Variants in MYO10 observed in about 807,000 individuals in gnomAD.
MYO10 encodes the protein myosin X.
MYO10 carries 133 observed loss-of-function variants against 257.3 expected under a neutral mutation model. That is an observed-to-expected ratio of 0.52 (90% CI 0.45 to 0.60). The LOEUF (loss-of-function observed/expected upper bound fraction) is 0.60. Ranked by LOEUF, MYO10 falls within the 20% of genes least tolerant of loss-of-function variation. The probability of loss-of-function intolerance (pLI) is 0.00; values close to 1 mark genes in which losing one functional copy is unlikely to be tolerated. For synonymous variants in MYO10, 1,104 were observed against 1,028.6 expected, an observed-to-expected ratio of 1.07 and a Z score of -1.40; for missense variants, 2,399 against 2,635.7, an observed-to-expected ratio of 0.91 and a Z score of 1.97.
intron 8 of MYO10, among the ~76,000 whole-genome samples, chr5:16,780,187 C>T (rs1741380016): frequency 6.6e-6 from 1 of 152,092 alleles, no homozygotes; most frequent in Non-Finnish European, 1.5e-5. Context: ...AGGTGTGTGC[C>T]ACTGCACCCA....
intron 37 of MYO10, 117 bp from the exon 38 acceptor site, chr5:16,671,659 G>A (rs1272916865): frequency 1.6e-6 from 2 of 1,243,382 alleles, no homozygotes; most frequent in African/African-American, 3.0e-5. Context: ...TCCGGGCCCA[G>A]AAAACAGTGG....
In MYO10 at chr5:16,711,030, G is replaced by A. The variant is rs551085821; in HGVS notation, c.2055-8C>T. The A allele has an allele frequency of 1.4e-5, 23 of 1,613,922 alleles. No homozygotes were observed. The highest frequency in any genetic ancestry group is 1.2e-4 in the South Asian group (11 of 91,070). ...CTCATCAGCACTTTATACCTGCAAC[G>A]TGAAGACACACAGGGTCACCTTCTG... On this transcript the variant is annotated splice_region_variant and splice_polypyrimidine_tract_variant and intron_variant, in intron 20 of 40. Coordinates refer to ENST00000513610, the MANE Select transcript of MYO10 (RefSeq NM_012334.3).
At position 16,823,467 on chromosome 5, in the gene MYO10, G is replaced by GGGGTTTTTTTT; in HGVS notation, c.121-5301_121-5300insAAAAAAAACCC. Among the ~76,000 whole-genome samples the GGGGTTTTTTTT allele has an allele frequency of 2.0e-3, 8 of 3,982 alleles. 1 individual carries two copies. The highest frequency in any genetic ancestry group is 3.5e-3 in the Non-Finnish European group (6 of 1,734). The allele number at this position is 3,982 out of a possible 152,430, so 2.6% of individuals were successfully genotyped here. On this transcript the variant is annotated intron_variant, in intron 2 of 40. Coordinates refer to ENST00000513610, the MANE Select transcript of MYO10 (RefSeq NM_012334.3). ...CTTGCGCGGGGGGGGGGGGAGTGGGGATTTTTTTTTTTTTTTTTTTGTGAG... is the reference window on the plus strand; with the variant it reads ...CTTGCGCGGGGGGGGGGGGAGTGGGGGGGTTTTTTTTATTTTTTTTTTTTTTTTTTTGTGAG...
At position 16,935,963 on chromosome 5, in the gene MYO10, CCTT is replaced by C; in HGVS notation, c.-158_-156del. 2.3e-6 allele frequency: 2 copies of C among 856,192 alleles called. No individual in the cohort carries two copies. Among genetic ancestry groups the C allele is most frequent in the South Asian group, 3.3e-5 (2 of 60,514 alleles). 53.0% of individuals were successfully genotyped at this position (856,192 alleles called of 1,614,324 possible). A position where few individuals can be genotyped will look rare whatever the true frequency, so the allele number is the denominator to read the frequency against. ...CTGCCATCGCCCGGTCCCTTCTTGT[CCTT>C]CTCACCTTTTGTTCGCCCAAACCCA... On this transcript the variant is annotated 5_prime_UTR_variant, in exon 1 of 41. Transcript: ENST00000513610.
chr5:16,784,196 C>T (rs752881433), intron 4 of MYO10, among the ~76,000 whole-genome samples: 1 of 152,206 alleles, frequency 6.6e-6, no homozygotes, highest in Non-Finnish European at 1.5e-5. Flanking sequence ...AGCACAGAAA[C>T]CACAGAAGCT....
At chr5:16,752,085 A>C (rs1024673119) in intron 19 of MYO10, among the ~76,000 whole-genome samples, 1 of 152,172 alleles carries the variant, frequency 6.6e-6, no homozygotes, top group East Asian at 1.9e-4. Context: ...GTGCCATCCA[A>C]GAGAGAAAAC....
Position 16,806,467 on chromosome 5 carries a change from C to G in MYO10, c.279+11542G>C, listed in dbSNP as rs184310285. Among the ~76,000 whole-genome samples, 380 of 150,646 alleles carry G rather than the reference C, an allele frequency of 2.5e-3. 1 individual carries two copies. The highest frequency in any genetic ancestry group is 9.1e-3 in the African/African-American group (373 of 40,972). ...CGAGACCACGTTAACACGGTGAAAC[C>G]CCATCTCTACTAAAAATATAAAAAA... is the stretch of plus-strand genomic sequence containing the variant. On this transcript the variant is annotated intron_variant, in intron 3 of 40. Coordinates refer to ENST00000513610, the MANE Select transcript of MYO10 (RefSeq NM_012334.3).
At chr5:16,893,548 C>T (rs1295727638) in intron 1 of MYO10, among the ~76,000 whole-genome samples, 1 of 147,908 alleles carries the variant, frequency 6.8e-6, no homozygotes, top group Admixed American at 6.8e-5. Context: ...GTGGGAGAAT[C>T]GCTTGAACTC....
At chr5:16,916,405 TAAAAAAAAAAA>T (rs71596001) in intron 1 of MYO10, 2 of 103,136 alleles carry the variant, frequency 1.9e-5, no homozygotes, top group South Asian at 3.5e-4. Flanking sequence ...AGCCATGAAG[TAAAAAAAAAAA>T]AAAAAAAAAA....
At chr5:16,754,771 C>T (rs1740479139) in intron 19 of MYO10, 57 bp downstream of exon 19, 2 of 1,332,030 alleles carry the variant, frequency 1.5e-6, no homozygotes, top group Admixed American at 2.1e-5. Context: ...GAGTAACCAC[C>T]CCAGGAGGCT....
intron 2 of MYO10, among the ~76,000 whole-genome samples, chr5:16,836,147 T>A (rs1172455195): frequency 6.6e-6 from 1 of 152,198 alleles, no homozygotes; most frequent in Non-Finnish European, 1.5e-5. Flanking sequence ...TTGCCTAACT[T>A]CTCATCCCCC....
rs1010509595 is a variant in MYO10, at chr5:16,821,755, C to T, written c.121-3588G>A. On this transcript the variant is annotated intron_variant, in intron 2 of 40. Coordinates refer to ENST00000513610, the MANE Select transcript of MYO10 (RefSeq NM_012334.3). ...TGCTGGGATTACAGGCGTGAGCCAC[C>T]GCGCCCGGCCCCTTTCCTCCTATTT... Among the ~76,000 whole-genome samples, 5 of 151,858 alleles carry T rather than the reference C, an allele frequency of 3.3e-5. No homozygotes were observed. The East Asian group carries it at 5.8e-4, about 18-fold the overall frequency.
chr5:16,854,596 T>C (rs11133865), intron 2 of MYO10, among the ~76,000 whole-genome samples: 45,167 of 152,060 alleles, frequency 0.3, 6,874 homozygotes, highest in African/African-American at 0.34. Context: ...AGCGTTTCTA[T>C]TTTAAATAAT....
At chr5:16,711,297 G>T in intron 19 of MYO10, 52 bp from the exon 20 acceptor site, 1 of 1,557,128 alleles carries the variant, frequency 6.4e-7, no homozygotes, top group Non-Finnish European at 8.7e-7. Flanking sequence ...AATGGAATTC[G>T]ATAAGGGAGG....
At chr5:16,934,712 C>T (rs1248869928) in intron 1 of MYO10, among the ~76,000 whole-genome samples, 1 of 152,168 alleles carries the variant, frequency 6.6e-6, no homozygotes, top group Non-Finnish European at 1.5e-5. Flanking sequence ...AACAAGAATG[C>T]ATTTATCACT....
At chr5:16,762,730 A>C in intron 14 of MYO10, 93 bp from the exon 15 acceptor site, 1 of 881,990 alleles carries the variant, frequency 1.1e-6, no homozygotes, top group Non-Finnish European at 1.8e-6. Context: ...TTGGGAAGCC[A>C]AGATGGGCAG....
At chr5:16,866,337 C>T (rs1000987922) in intron 2 of MYO10, among the ~76,000 whole-genome samples, 2 of 152,154 alleles carry the variant, frequency 1.3e-5, no homozygotes, top group Non-Finnish European at 2.9e-5. Flanking sequence ...TTTGTTGAGC[C>T]ATACTGTCAT....
At chr5:16,688,845 C>G (rs1265875101) in intron 28 of MYO10, among the ~76,000 whole-genome samples, 1 of 152,112 alleles carries the variant, frequency 6.6e-6, no homozygotes, top group African/African-American at 2.4e-5. Flanking sequence ...ATAGACAGGA[C>G]AGACGTTCCA....
chr5:16,731,709 T>A (rs1739588904), intron 19 of MYO10, among the ~76,000 whole-genome samples: 1 of 152,146 alleles, frequency 6.6e-6, no homozygotes, highest in Non-Finnish European at 1.5e-5. Flanking sequence ...GAGGAAAGCG[T>A]GGACATTACC....
Sources: gnomAD v4.1 joint callset for allele counts (sites outside exome capture counted in the v4.1 genomes callset) on GRCh38, gnomAD v4.1.1 for gene constraint, MANE v1.5 for transcripts, NCBI Gene and HGNC (gene_info 2026-07-23, HGNC 2026-07-21) for gene names.